SDK1: variants seen among roughly 807,000 people sequenced by gnomAD.
SDK1 encodes the protein protein sidekick-1.
Under a neutral mutation model 245.5 loss-of-function variants are expected in SDK1, and 157 were observed. The observed-to-expected ratio is 0.64, with a 90% CI of 0.56 to 0.73. The LOEUF (loss-of-function observed/expected upper bound fraction) is 0.73. Ranked by LOEUF, SDK1 falls within the 30% of genes least tolerant of loss-of-function variation. SDK1 has a pLI of 0.00. For missense variants in SDK1, 3,583 were observed against 3,002.3 expected (o/e 1.19, Z -4.52); for synonymous variants, 1,647 against 1,278.5 (o/e 1.29, Z -6.15).
intron 1 of SDK1, among the ~76,000 whole-genome samples, chr7:3,609,799 C>G (rs953934696): frequency 2.7e-5 from 4 of 149,894 alleles, no homozygotes; most frequent in African/African-American, 4.9e-5. Context: ...CTCCTGGGTT[C>G]AAGCGATTCT....
chr7:4,256,895 T>G (rs1405583635), intron 44 of SDK1, among the ~76,000 whole-genome samples: 1 of 152,234 alleles, frequency 6.6e-6, no homozygotes, highest in East Asian at 1.9e-4. Context: ...CTCTCAGAAC[T>G]ATTGCTAAAG....
At chr7:3,648,816 C>G (rs533108665) in intron 4 of SDK1, among the ~76,000 whole-genome samples, 2 of 152,252 alleles carry the variant, frequency 1.3e-5, no homozygotes, top group Non-Finnish European at 2.9e-5. Flanking sequence ...CGAGTAGATA[C>G]GGGTTCCAGG....
chr7:3,550,573 C>G (rs1275259139), intron 1 of SDK1, among the ~76,000 whole-genome samples: 2 of 152,170 alleles, frequency 1.3e-5, no homozygotes, highest in Non-Finnish European at 2.9e-5. Context: ...TTTATCATAT[C>G]TTTGGTTCCT....
chr7:3,753,141 T>G (rs1779821455), intron 4 of SDK1, among the ~76,000 whole-genome samples: 2 of 152,204 alleles, frequency 1.3e-5, no homozygotes, highest in East Asian at 3.9e-4. Flanking sequence ...CGGCAATATT[T>G]TCAGGAATGG....
At chr7:3,630,288 G>T (rs182962064) in intron 2 of SDK1, among the ~76,000 whole-genome samples, 9 of 152,168 alleles carry the variant, frequency 5.9e-5, no homozygotes, top group African/African-American at 1.9e-4. Context: ...AGAAATAAAA[G>T]GCATCCAGAT....
At chr7:3,740,309 T>C (rs1369560174) in intron 4 of SDK1, among the ~76,000 whole-genome samples, 1 of 152,226 alleles carries the variant, frequency 6.6e-6, no homozygotes, top group Non-Finnish European at 1.5e-5. Context: ...ACCTTCTGAA[T>C]TTCCAGGAAT....
chr7:3,522,547 C>T (rs978757973), intron 1 of SDK1, among the ~76,000 whole-genome samples: 2 of 151,980 alleles, frequency 1.3e-5, no homozygotes, highest in African/African-American at 4.8e-5. Context: ...GCCCCTTCAG[C>T]TTATTATGGG....
At chr7:3,528,496 A>G (rs1177040499) in intron 1 of SDK1, among the ~76,000 whole-genome samples, 1 of 151,910 alleles carries the variant, frequency 6.6e-6, no homozygotes. Context: ...GCCATGGAGG[A>G]TTTTGAGTAG....
chr7:3,678,472 G>T (rs918203400), intron 4 of SDK1, among the ~76,000 whole-genome samples: 1 of 152,202 alleles, frequency 6.6e-6, no homozygotes, highest in Non-Finnish European at 1.5e-5. Flanking sequence ...GCTGCATCAC[G>T]TGGACGAACT....
chr7:3,776,103 A>G (rs941982081), intron 4 of SDK1, among the ~76,000 whole-genome samples: 3 of 152,240 alleles, frequency 2.0e-5, no homozygotes, highest in African/African-American at 7.2e-5. Flanking sequence ...CAGAAATATG[A>G]TAGCAACTCA....
At chr7:3,558,181 C>T (rs1467309019) in intron 1 of SDK1, among the ~76,000 whole-genome samples, 1 of 152,188 alleles carries the variant, frequency 6.6e-6, no homozygotes, top group African/African-American at 2.4e-5. Context: ...TTTCATATGA[C>T]ATTTCTTTTC....
At chr7:4,094,068 T>C (rs1402544759) in intron 22 of SDK1, among the ~76,000 whole-genome samples, 3 of 152,010 alleles carry the variant, frequency 2.0e-5, no homozygotes, top group African/African-American at 7.2e-5. Context: ...TGTTTTTTGC[T>C]TTTTTTGAGA....
intron 14 of SDK1, among the ~76,000 whole-genome samples, chr7:4,010,748 A>C (rs1390618662): frequency 2.0e-5 from 3 of 152,126 alleles, no homozygotes; most frequent in Non-Finnish European, 2.9e-5. Flanking sequence ...TTGCTCATTG[A>C]TGGCGGCACC....
intron 4 of SDK1, among the ~76,000 whole-genome samples, chr7:3,805,592 A>G (rs538437619): frequency 6.6e-6 from 1 of 152,180 alleles, no homozygotes; most frequent in Non-Finnish European, 1.5e-5. Context: ...CAGTTCCCCC[A>G]GTGGAGACTG....
intron 14 of SDK1, among the ~76,000 whole-genome samples, chr7:3,994,297 C>G (rs767265335): frequency 1.3e-5 from 2 of 152,154 alleles, no homozygotes; most frequent in Non-Finnish European, 2.9e-5. Context: ...GACTCCAACT[C>G]TAAAATAGAA....
intron 1 of SDK1, among the ~76,000 whole-genome samples, chr7:3,545,305 C>G (rs1779185436): frequency 6.6e-6 from 1 of 151,928 alleles, no homozygotes; most frequent in South Asian, 2.1e-4. Context: ...TGGGGCACAC[C>G]AAATAAACAT....
At chr7:4,044,759 A>G (rs1036704444) in intron 17 of SDK1, among the ~76,000 whole-genome samples, 1 of 152,184 alleles carries the variant, frequency 6.6e-6, no homozygotes, top group African/African-American at 2.4e-5. Context: ...GCATGTTTGA[A>G]AAGTGAGATT....
chr7:3,968,414 C>T (rs1310475130), intron 10 of SDK1, among the ~76,000 whole-genome samples: 2 of 152,136 alleles, frequency 1.3e-5, no homozygotes, highest in Admixed American at 1.3e-4. Flanking sequence ...ATGCCAAAAG[C>T]CTTATCTTTC....
At chr7:3,985,932 T>C (rs931128469) in intron 13 of SDK1, among the ~76,000 whole-genome samples, 1 of 152,132 alleles carries the variant, frequency 6.6e-6, no homozygotes, top group African/African-American at 2.4e-5. Flanking sequence ...GGGTCAGCAG[T>C]ACCTGATGTC....
Sources: allele counts gnomAD v4.1 joint callset (sites outside exome capture counted in the v4.1 genomes callset), GRCh38; gene constraint gnomAD v4.1.1; transcripts MANE v1.5; gene names NCBI Gene and HGNC (gene_info 2026-07-23, HGNC 2026-07-21).